The following DNAJB6 variants were observed in gnomAD, a reference collection of about 807,000 sequenced individuals.
DNAJB6 encodes the protein DnaJ heat shock protein family (Hsp40) member B6, also known as dnaJ homolog subfamily B member 6.
A neutral mutation model predicts 42.7 loss-of-function variants in DNAJB6; 16 were observed. That is an observed-to-expected ratio of 0.37 (90% CI 0.25 to 0.57). The LOEUF is 0.57. DNAJB6 is among the 20% of genes least tolerant of loss of function. The pLI, the probability that DNAJB6 is intolerant of heterozygous loss-of-function variation, is 0.74. For synonymous variants in DNAJB6, 170 were observed against 163.5 expected, an observed-to-expected ratio of 1.04 and a Z score of -0.30; for missense variants, 347 against 416.8, an observed-to-expected ratio of 0.83 and a Z score of 1.46.
chr7:157,352,804 C>T (rs979074085), intron 1 of DNAJB6, among the ~76,000 whole-genome samples: 1 of 152,112 alleles, frequency 6.6e-6, no homozygotes, highest in African/African-American at 2.4e-5. Context: ...ACCCACTTCA[C>T]AGGGTGGGGA....
intron 8 of DNAJB6, among the ~76,000 whole-genome samples, chr7:157,400,727 GAGGC>G (rs1801822487): frequency 6.6e-6 from 1 of 152,226 alleles, no homozygotes; most frequent in Non-Finnish European, 1.5e-5. Flanking sequence ...GGGTGTTGAT[GAGGC>G]ACACAGGTCA....
chr7:157,348,876 C>G (rs1375087704), intron 1 of DNAJB6, among the ~76,000 whole-genome samples: 2 of 152,104 alleles, frequency 1.3e-5, no homozygotes, highest in African/African-American at 4.8e-5. Context: ...GTTATTTTGC[C>G]TGAGCATACG....
At chr7:157,365,464 G>T (rs1799797449) in intron 3 of DNAJB6, among the ~76,000 whole-genome samples, 1 of 152,186 alleles carries the variant, frequency 6.6e-6, no homozygotes, top group Non-Finnish European at 1.5e-5. Context: ...CGCCTTTCTG[G>T]CACATCTGCT....
chr7:157,404,875 G>A (rs942256969), intron 8 of DNAJB6, among the ~76,000 whole-genome samples: 1 of 152,066 alleles, frequency 6.6e-6, no homozygotes, highest in Non-Finnish European at 1.5e-5. Flanking sequence ...CTGGGCTTAA[G>A]TGATCCTCCT....
intron 8 of DNAJB6, among the ~76,000 whole-genome samples, chr7:157,408,212 G>A (rs573344499): frequency 3.3e-5 from 5 of 152,188 alleles, no homozygotes; most frequent in South Asian, 4.1e-4. Flanking sequence ...GGCAGGACGC[G>A]CGGGCCGGGT....
At chr7:157,408,892 G>A (rs1047405100) in intron 8 of DNAJB6, among the ~76,000 whole-genome samples, 2 of 152,216 alleles carry the variant, frequency 1.3e-5, no homozygotes, top group Admixed American at 1.3e-4. Context: ...TTACATCTGC[G>A]CAGGGCTCGG....
intron 1 of DNAJB6, among the ~76,000 whole-genome samples, chr7:157,345,260 C>G (rs1798623709): frequency 6.6e-6 from 1 of 152,142 alleles, no homozygotes; most frequent in South Asian, 2.1e-4. Flanking sequence ...TCCCAAAGTG[C>G]TGGGATTACA....
intron 1 of DNAJB6, among the ~76,000 whole-genome samples, chr7:157,342,733 G>T (rs1798469029): frequency 1.3e-5 from 2 of 152,158 alleles, no homozygotes; most frequent in South Asian, 4.1e-4. Flanking sequence ...GATTACAGGT[G>T]TGAGCCACCA....
chr7:157,349,922 C>T (rs1443352196), intron 1 of DNAJB6, among the ~76,000 whole-genome samples: 1 of 152,096 alleles, frequency 6.6e-6, no homozygotes, highest in Non-Finnish European at 1.5e-5. Context: ...GGATTTCAGA[C>T]ATGAGCCACC....
In DNAJB6 at chr7:157,404,447, G is replaced by A. The variant is rs191454999; in HGVS notation, c.692-5348G>A. On this transcript the variant is annotated intron_variant, in intron 8 of 9. Coordinates refer to ENST00000262177, the MANE Select transcript of DNAJB6 (RefSeq NM_058246.4). Reference sequence around the variant, plus strand: ...GCTGGGACTGTAGGCGTGCAACAGCGCACTGGGCTAATTTTTGTCTTTTTT... The same window carrying A: ...GCTGGGACTGTAGGCGTGCAACAGCACACTGGGCTAATTTTTGTCTTTTTT... Among the ~76,000 whole-genome samples the A allele has an allele frequency of 9.0e-3, 1,306 of 145,356 alleles. 10 individuals are homozygous for A. The highest frequency in any genetic ancestry group is 0.011 in the Non-Finnish European group (763 of 66,996).
chr7:157,342,333 A>ATTTTTT (rs11329531), intron 1 of DNAJB6, among the ~76,000 whole-genome samples: 6 of 60,418 alleles, frequency 9.9e-5, no homozygotes, highest in African/African-American at 1.5e-4. Flanking sequence ...ATCCTGGCTA[A>ATTTTTT]TTTTTTTTTT....
chr7:157,365,274 G>A (rs1799786709), intron 3 of DNAJB6, among the ~76,000 whole-genome samples: 3 of 152,258 alleles, frequency 2.0e-5, no homozygotes, highest in African/African-American at 4.8e-5. Context: ...TTTGAGGAAC[G>A]CAGATGGTGT....
intron 8 of DNAJB6, among the ~76,000 whole-genome samples, chr7:157,407,107 G>T (rs1314908390): frequency 1.3e-5 from 2 of 152,244 alleles, no homozygotes; most frequent in African/African-American, 2.4e-5. Context: ...GGTGGGGGGG[G>T]TCCCAACCGC....
chr7:157,366,480 C>G, intron 3 of DNAJB6, 22 bp from the exon 4 acceptor site: 1 of 1,612,588 alleles, frequency 6.2e-7, no homozygotes, highest in Non-Finnish European at 8.5e-7. Context: ...TTGGCCTTAC[C>G]GACTTTTCTT....
At chr7:157,391,638 G>GC (rs143910421) in intron 8 of DNAJB6, among the ~76,000 whole-genome samples, 3,226 of 152,352 alleles carry the variant, frequency 0.021, 41 homozygotes, top group East Asian at 0.054. Flanking sequence ...CCTGGTGGCA[G>GC]CACCCACTGG....
intron 2 of DNAJB6, among the ~76,000 whole-genome samples, chr7:157,359,901 T>G (rs1393918884): frequency 6.6e-6 from 1 of 152,226 alleles, no homozygotes; most frequent in Non-Finnish European, 1.5e-5. Context: ...AGCAGTCTAC[T>G]GAGGAGAGGT....
At chr7:157,357,704 G>T (rs1272681867) in intron 1 of DNAJB6, among the ~76,000 whole-genome samples, 1 of 152,182 alleles carries the variant, frequency 6.6e-6, no homozygotes, top group Non-Finnish European at 1.5e-5. Flanking sequence ...TAAAGCAGCA[G>T]TGTGCGTAGT....
At chr7:157,371,177 A>G (rs2178659) in intron 5 of DNAJB6, among the ~76,000 whole-genome samples, 84,130 of 152,050 alleles carry the variant, frequency 0.55, 23,580 homozygotes, top group East Asian at 0.75. Flanking sequence ...CCCATCACCC[A>G]CTGTGTGGAA....
chr7:157,346,714 CT>C (rs1419907450), intron 1 of DNAJB6, among the ~76,000 whole-genome samples: 1 of 152,204 alleles, frequency 6.6e-6, no homozygotes, highest in African/African-American at 2.4e-5. Flanking sequence ...TAAATTGTGT[CT>C]TACATCAGTG....
Sources: gnomAD v4.1 joint callset for allele counts (sites outside exome capture counted in the v4.1 genomes callset) on GRCh38, gnomAD v4.1.1 for gene constraint, MANE v1.5 for transcripts, NCBI Gene and HGNC (gene_info 2026-07-23, HGNC 2026-07-21) for gene names.